PTBP3: variants seen among roughly 807,000 people sequenced by gnomAD.
PTBP3 encodes the protein polypyrimidine tract binding protein 3, also known as polypyrimidine tract-binding protein 3.
Under a neutral mutation model 58.7 loss-of-function variants are expected in PTBP3, and 20 were observed. The observed-to-expected ratio is 0.34, with a 90% confidence interval of 0.24 to 0.50. The LOEUF (loss-of-function observed/expected upper bound fraction) is 0.50, where lower values mean the gene tolerates loss of function less well. Ranked by LOEUF, PTBP3 falls within the 20% of genes least tolerant of loss-of-function variation. PTBP3 has a pLI of 0.98. For synonymous variants in PTBP3, 185 were observed against 219.8 expected, an observed-to-expected ratio of 0.84 and a Z score of 1.40; for missense variants, 509 against 637.2, an observed-to-expected ratio of 0.80 and a Z score of 2.17.
At chr9:112,275,542 C>T (rs996018528) in intron 3 of PTBP3, among the ~76,000 whole-genome samples, 1 of 152,006 alleles carries the variant, frequency 6.6e-6, no homozygotes, top group Non-Finnish European at 1.5e-5. Flanking sequence ...AATCACAGGA[C>T]ATTTGATAAA....
intron 1 of PTBP3, among the ~76,000 whole-genome samples, chr9:112,315,644 C>T (rs1829672928): frequency 6.6e-6 from 1 of 152,080 alleles, no homozygotes; most frequent in Non-Finnish European, 1.5e-5. Context: ...AATAGAACAT[C>T]TGAATAACAT....
At chr9:112,227,201 A>G (rs537576703) in intron 12 of PTBP3, among the ~76,000 whole-genome samples, 1 of 152,326 alleles carries the variant, frequency 6.6e-6, no homozygotes, top group South Asian at 2.1e-4. Context: ...CTATTTGGAA[A>G]GAAAATTTTA....
intron 7 of PTBP3, among the ~76,000 whole-genome samples, chr9:112,236,978 G>A (rs986216190): frequency 6.6e-6 from 1 of 152,144 alleles, no homozygotes; most frequent in South Asian, 2.1e-4. Flanking sequence ...TGATGAGGGG[G>A]AGTAGTTGTA....
At chr9:112,256,953 T>C (rs1289209185) in intron 5 of PTBP3, among the ~76,000 whole-genome samples, 5 of 152,300 alleles carry the variant, frequency 3.3e-5, no homozygotes, top group Admixed American at 2.6e-4. Context: ...AAATATATCA[T>C]TAGTGAAGGA....
intron 1 of PTBP3, among the ~76,000 whole-genome samples, chr9:112,329,750 G>T (rs538132297): frequency 6.6e-6 from 1 of 151,430 alleles, no homozygotes; most frequent in Non-Finnish European, 1.5e-5. Flanking sequence ...AGGCACTGAA[G>T]AAAGAAGTGT....
the PTBP3 span, chr9:112,363,228 A>G: frequency 6.5e-6 from 1 of 152,926 alleles, no homozygotes; most frequent in African/African-American, 2.4e-5. Context: ...TCATTCTTTT[A>G]TGAATAAGAA....
intron 2 of PTBP3, among the ~76,000 whole-genome samples, chr9:112,292,405 G>A (rs1467510821): frequency 3.3e-5 from 5 of 152,152 alleles, no homozygotes. Context: ...ATTACCACAT[G>A]ATCCAGCAAT....
At chr9:112,240,792 G>A (rs1260363278) in intron 7 of PTBP3, among the ~76,000 whole-genome samples, 2 of 152,032 alleles carry the variant, frequency 1.3e-5, no homozygotes, top group African/African-American at 2.4e-5. Flanking sequence ...GGGACAAGAT[G>A]TAGAAGTAGA....
In PTBP3 at chr9:112,222,992, T is replaced by G; in HGVS notation, c.*859A>C. On this transcript the variant is annotated 3_prime_UTR_variant, in exon 14 of 14. Coordinates refer to ENST00000374257, the MANE Select transcript of PTBP3 (RefSeq NM_001163788.4). ...CTGTAAACTTTTTTTCTGAAAACAA[T>G]TATAAAAAAGTAGTTTATAAGTAGG... 1 of 850,308 alleles carries G rather than the reference T, an allele frequency of 1.2e-6. No homozygotes were observed. Among genetic ancestry groups the G allele is most frequent in the South Asian group, 5.4e-5 (1 of 18,358 alleles). 52.7% of individuals were successfully genotyped at this position (850,308 alleles called of 1,614,324 possible). A position where few individuals can be genotyped will look rare whatever the true frequency, so the allele number is the denominator to read the frequency against.
At chr9:112,240,962 A>G (rs759740742) in intron 7 of PTBP3, among the ~76,000 whole-genome samples, 2 of 152,252 alleles carry the variant, frequency 1.3e-5, no homozygotes, top group Non-Finnish European at 1.5e-5. Context: ...GCTTGTAAAC[A>G]AAAATATTTT....
At chr9:112,372,250 G>T in the PTBP3 span, among the ~76,000 whole-genome samples, 25,876 of 151,842 alleles carry the variant, frequency 0.17, 2,483 homozygotes, top group East Asian at 0.24. Flanking sequence ...CTAATTAAAA[G>T]AATTTTTTTT....
intron 1 of PTBP3, among the ~76,000 whole-genome samples, chr9:112,317,818 G>A (rs1323003468): frequency 6.6e-6 from 1 of 151,812 alleles, no homozygotes; most frequent in Non-Finnish European, 1.5e-5. Flanking sequence ...ATGGTGGTGT[G>A]CGCCTATAAT....
chr9:112,375,847 T>C, the PTBP3 span, among the ~76,000 whole-genome samples: 1 of 152,106 alleles, frequency 6.6e-6, no homozygotes, highest in African/African-American at 2.4e-5. Flanking sequence ...AAACGTTCAG[T>C]TTCCACCAAA....
the PTBP3 span, among the ~76,000 whole-genome samples, chr9:112,374,509 T>C: frequency 6.6e-6 from 1 of 152,206 alleles, no homozygotes; most frequent in Non-Finnish European, 1.5e-5. Context: ...CACAACCTTC[T>C]GGAGAACTTT....
intron 7 of PTBP3, among the ~76,000 whole-genome samples, chr9:112,245,246 G>T (rs189577001): frequency 6.6e-5 from 10 of 152,310 alleles, no homozygotes; most frequent in African/African-American, 2.4e-4. Context: ...GGAGGCAAAG[G>T]CTGCAGCGAG....
Position 112,331,390 on chromosome 9 carries a change from T to C in PTBP3, c.-52+2080A>G, listed in dbSNP as rs190253773. 2.3e-3 allele frequency among the ~76,000 whole-genome samples: 351 copies of C among 152,290 alleles called. 1 individual carries two copies. The highest frequency in any genetic ancestry group is 8.0e-3 in the African/African-American group (332 of 41,558). On this transcript the variant is annotated intron_variant, in intron 1 of 13. Coordinates refer to ENST00000374257, the MANE Select transcript of PTBP3 (RefSeq NM_001163788.4). ...CCCAAGAAACTGTCTTCGATTAATG[T>C]TTTTCTTCATATCTCCTAGAAGAAA...
At chr9:112,351,716 A>G in the PTBP3 span, among the ~76,000 whole-genome samples, 1 of 152,068 alleles carries the variant, frequency 6.6e-6, no homozygotes, top group South Asian at 2.1e-4. Flanking sequence ...TTATACTTTG[A>G]TTATAATTCA....
chr9:112,354,157 C>G, the PTBP3 span, among the ~76,000 whole-genome samples: 1 of 152,066 alleles, frequency 6.6e-6, no homozygotes, highest in South Asian at 2.1e-4. Context: ...AACAAGGAGC[C>G]AGATAGATTG....
chr9:112,291,296 T>C (rs1265509114), intron 2 of PTBP3, among the ~76,000 whole-genome samples: 3 of 151,336 alleles, frequency 2.0e-5, no homozygotes, highest in African/African-American at 4.9e-5. Context: ...ATGTCCATAA[T>C]ATTCAAAGTG....
Sources: gnomAD v4.1 joint callset for allele counts (sites outside exome capture counted in the v4.1 genomes callset) on GRCh38, gnomAD v4.1.1 for gene constraint, MANE v1.5 for transcripts, NCBI Gene and HGNC (gene_info 2026-07-23, HGNC 2026-07-21) for gene names.